Variants in SLC44A5 observed in about 807,000 individuals in gnomAD.
SLC44A5 encodes the protein choline transporter-like protein 5.
In SLC44A5, 57 loss-of-function variants were observed where a neutral mutation model predicts 101.8. The ratio of observed to expected loss-of-function variants is 0.56; its 90% CI spans 0.45 to 0.70. The LOEUF (loss-of-function observed/expected upper bound fraction) is 0.70, where lower values mean the gene tolerates loss of function less well. SLC44A5 is among the 30% of genes least tolerant of loss of function. SLC44A5 has a pLI of 0.00. For synonymous variants in SLC44A5, 281 were observed against 290.9 expected, an observed-to-expected ratio of 0.97 and a Z score of 0.35; for missense variants, 737 against 853.1, an observed-to-expected ratio of 0.86 and a Z score of 1.70.
intron 2 of SLC44A5, among the ~76,000 whole-genome samples, chr1:75,495,067 A>G (rs1176124924): frequency 6.6e-6 from 1 of 152,186 alleles, no homozygotes; most frequent in Non-Finnish European, 1.5e-5. Context: ...GAAACCAACT[A>G]GGAAAATGAG....
At chr1:75,345,088 A>T (rs568954031) in intron 3 of SLC44A5, among the ~76,000 whole-genome samples, 2 of 152,106 alleles carry the variant, frequency 1.3e-5, no homozygotes, top group South Asian at 4.1e-4. Context: ...CAACTAAAGG[A>T]TCAATCTTGG....
chr1:75,311,137 G>C lies in SLC44A5; in HGVS notation c.102-10452C>G, dbSNP rs1170552686. 2.0e-5 allele frequency among the ~76,000 whole-genome samples: 3 copies of C among 147,048 alleles called. No individual in the cohort carries two copies. In the East Asian group the frequency reaches 5.9e-4, roughly 29 times the overall value. On this transcript the variant is annotated intron_variant, in intron 4 of 23. Transcript: ENST00000370859. Reference sequence around the variant, plus strand: ...GCATCTTTTTTTTTTTTCTTTTTGAGATGGAGTCTCTCTCTGTCACCCAAG... The same window carrying C: ...GCATCTTTTTTTTTTTTCTTTTTGACATGGAGTCTCTCTCTGTCACCCAAG...
intron 3 of SLC44A5, among the ~76,000 whole-genome samples, chr1:75,363,975 T>G (rs1659681950): frequency 6.6e-6 from 1 of 152,136 alleles, no homozygotes; most frequent in Non-Finnish European, 1.5e-5. Context: ...CCCCCAGTAC[T>G]TTGAATATTC....
At chr1:75,630,560 G>T in the SLC44A5 span, among the ~76,000 whole-genome samples, 1 of 151,932 alleles carries the variant, frequency 6.6e-6, no homozygotes, top group Non-Finnish European at 1.5e-5. Flanking sequence ...TTAGGAGAGA[G>T]GATTCTGCAT....
At chr1:75,433,626 T>G (rs1469466937) in intron 2 of SLC44A5, among the ~76,000 whole-genome samples, 1 of 152,176 alleles carries the variant, frequency 6.6e-6, no homozygotes, top group African/African-American at 2.4e-5. Flanking sequence ...TAGTTCTCTT[T>G]TTCTTTCTTC....
At chr1:75,647,010 C>A in the SLC44A5 span, among the ~76,000 whole-genome samples, 2 of 152,172 alleles carry the variant, frequency 1.3e-5, no homozygotes, top group Non-Finnish European at 2.9e-5. Flanking sequence ...CAATGTTAAT[C>A]CCCCAGATAA....
intron 6 of SLC44A5, among the ~76,000 whole-genome samples, chr1:75,263,132 G>T (rs1364824109): frequency 2.6e-5 from 4 of 151,732 alleles, no homozygotes; most frequent in Admixed American, 2.0e-4. Context: ...TGACAAATGG[G>T]GTCTAATTAA....
At chr1:75,552,247 T>A (rs1002489316) in intron 1 of SLC44A5, among the ~76,000 whole-genome samples, 1 of 152,100 alleles carries the variant, frequency 6.6e-6, no homozygotes, top group Non-Finnish European at 1.5e-5. Flanking sequence ...GTCCTTTCCA[T>A]CCCTAGTATC....
chr1:75,330,357 G>A lies in SLC44A5; in HGVS notation c.101+9225C>T, dbSNP rs571471978. ...CACCATCACCACTGCCACCACCCCCGTGATGGCCTTACCTCATAATTTATT... is the reference window on the plus strand; with the variant it reads ...CACCATCACCACTGCCACCACCCCCATGATGGCCTTACCTCATAATTTATT... On this transcript the variant is annotated intron_variant, in intron 4 of 23. Coordinates refer to ENST00000370859, the MANE Select transcript of SLC44A5 (RefSeq NM_001130058.2). 7.7e-4 allele frequency among the ~76,000 whole-genome samples: 117 copies of A among 151,670 alleles called. 2 individuals are homozygous for A. The highest frequency in any genetic ancestry group is 2.5e-3 in the African/African-American group (105 of 41,364).
chr1:75,364,310 G>A (rs796804284), intron 3 of SLC44A5, among the ~76,000 whole-genome samples: 5 of 152,238 alleles, frequency 3.3e-5, no homozygotes, highest in African/African-American at 1.2e-4. Context: ...TTCTGGGGAG[G>A]CCTCAGGAAA....
chr1:75,386,947 C>T (rs533586654), intron 3 of SLC44A5, among the ~76,000 whole-genome samples: 3,329 of 151,878 alleles, frequency 0.022, 129 homozygotes, highest in African/African-American at 0.076. Context: ...CTGAAAAAAA[C>T]AAGCAATGGG....
At chr1:75,639,105 A>T in the SLC44A5 span, among the ~76,000 whole-genome samples, 54,321 of 151,942 alleles carry the variant, frequency 0.36, 11,429 homozygotes, top group East Asian at 0.93. Flanking sequence ...TTTCAGTTAG[A>T]TGAGAGGAAT....
chr1:75,264,369 G>T (rs544983332), intron 6 of SLC44A5, among the ~76,000 whole-genome samples: 1 of 152,310 alleles, frequency 6.6e-6, no homozygotes, highest in East Asian at 1.9e-4. Context: ...ACAGTTCCCT[G>T]AGAAAGATTA....
At chr1:75,695,689 GTATT>G in the SLC44A5 span, among the ~76,000 whole-genome samples, 1 of 147,766 alleles carries the variant, frequency 6.8e-6, no homozygotes, top group Non-Finnish European at 1.5e-5. Flanking sequence ...TTAATATATA[GTATT>G]TATATATGTA....
intron 2 of SLC44A5, among the ~76,000 whole-genome samples, chr1:75,408,156 CAAT>C (rs1663027366): frequency 6.6e-6 from 1 of 152,158 alleles, no homozygotes; most frequent in Non-Finnish European, 1.5e-5. Context: ...ATTAAAACCA[CAAT>C]GAGATACCAT....
At chr1:75,485,362 A>T (rs1355868339) in intron 2 of SLC44A5, among the ~76,000 whole-genome samples, 1 of 152,168 alleles carries the variant, frequency 6.6e-6, no homozygotes, top group East Asian at 1.9e-4. Context: ...TCAAAGTTCC[A>T]TGTCTAGGAT....
chr1:75,281,150 C>T (rs1439502134), intron 5 of SLC44A5, among the ~76,000 whole-genome samples: 1 of 152,072 alleles, frequency 6.6e-6, no homozygotes, highest in African/African-American at 2.4e-5. Context: ...AACTTAGAGA[C>T]TTGTTGAATA....
chr1:75,239,177 A>G (rs1416827271), intron 9 of SLC44A5, among the ~76,000 whole-genome samples: 2 of 152,094 alleles, frequency 1.3e-5, no homozygotes, highest in Non-Finnish European at 2.9e-5. Context: ...TTCATTTACA[A>G]CAGTTTTTTA....
the SLC44A5 span, among the ~76,000 whole-genome samples, chr1:75,687,625 T>C: frequency 6.6e-6 from 1 of 152,162 alleles, no homozygotes; most frequent in Non-Finnish European, 1.5e-5. Context: ...TCTTTATGAA[T>C]ATTTCACCAC....
Sources: gnomAD v4.1 joint callset for allele counts (sites outside exome capture counted in the v4.1 genomes callset) on GRCh38, gnomAD v4.1.1 for gene constraint, MANE v1.5 for transcripts, NCBI Gene and HGNC (gene_info 2026-07-23, HGNC 2026-07-21) for gene names.